Variants in ELFN1 observed in about 807,000 individuals in gnomAD.
The protein encoded by ELFN1 is extracellular leucine rich repeat and fibronectin type III domain containing 1.
In ELFN1, 6 loss-of-function variants were observed where a neutral mutation model predicts 7.6. The observed-to-expected ratio is 0.79, with a 90% CI of 0.43 to 1.56. ELFN1 has a LOEUF of 1.56. Ranked by LOEUF, ELFN1 falls within the 40% of genes most tolerant of loss-of-function variation. ELFN1 has a pLI of 0.01. For synonymous variants in ELFN1, 657 were observed against 588.1 expected (o/e 1.12, Z -1.70); for missense variants, 1,169 against 1,232.2 (o/e 0.95, Z 0.77).
chr7:1,685,561 A>G (rs1040185729), intron 1 of ELFN1, among the ~76,000 whole-genome samples: 1 of 150,648 alleles, frequency 6.6e-6, no homozygotes, highest in Non-Finnish European at 1.5e-5. Context: ...AAGCACACTA[A>G]TTTTTTTTTG....
Position 1,747,187 on chromosome 7 carries a change from C to T in ELFN1, c.*104C>T. On this transcript the variant is annotated 3_prime_UTR_variant, in exon 4 of 4. Transcript: ENST00000424383. ...ACGCACGCCACCACAGCAACTGTGA[C>T]AGCGGGGGGCCCTGCAGAGGCGAGG... is the stretch of plus-strand genomic sequence containing the variant. 1.6e-6 allele frequency: 2 copies of T among 1,288,382 alleles called. No homozygotes were observed. The highest frequency in any genetic ancestry group is 1.0e-6 in the Non-Finnish European group (1 of 973,586). 79.8% of individuals were successfully genotyped at this position (1,288,382 alleles called of 1,614,324 possible). A position where few individuals can be genotyped will look rare whatever the true frequency, so the allele number is the denominator to read the frequency against.
intron 2 of ELFN1, among the ~76,000 whole-genome samples, chr7:1,704,552 C>T (rs773107549): frequency 5.9e-5 from 9 of 152,178 alleles, no homozygotes; most frequent in Non-Finnish European, 7.3e-5. Context: ...CTCGACTCCT[C>T]CCCACCCCAG....
At chr7:1,741,187 C>T (rs1187099372) in intron 3 of ELFN1, among the ~76,000 whole-genome samples, 1 of 151,454 alleles carries the variant, frequency 6.6e-6, no homozygotes, top group Non-Finnish European at 1.5e-5. Context: ...AAGCTGGGGG[C>T]CATAGAGGGG....
upstream of ELFN1, among the ~76,000 whole-genome samples, chr7:1,668,743 A>G (rs1583300071): frequency 1.3e-5 from 2 of 152,320 alleles, no homozygotes; most frequent in African/African-American, 4.8e-5. Context: ...TGGTGGGTAA[A>G]CAAGGACCTG....
intron 3 of ELFN1, among the ~76,000 whole-genome samples, chr7:1,729,129 C>T (rs549424371): frequency 6.6e-6 from 1 of 152,326 alleles, no homozygotes; most frequent in East Asian, 1.9e-4. Flanking sequence ...CCCCTCTGCT[C>T]AACTCACTGC....
intron 3 of ELFN1, among the ~76,000 whole-genome samples, chr7:1,712,938 G>A (rs1190775792): frequency 3.3e-5 from 5 of 152,042 alleles, no homozygotes; most frequent in Admixed American, 6.6e-5. Flanking sequence ...TGTGTAGACC[G>A]CCTGGCATCA....
intron 1 of ELFN1, among the ~76,000 whole-genome samples, chr7:1,674,728 G>A (rs1348320529): frequency 1.3e-5 from 2 of 152,154 alleles, no homozygotes; most frequent in African/African-American, 2.4e-5. Flanking sequence ...GGAAGGGACA[G>A]GGCCTTGCCT....
chr7:1,693,753 G>A (rs1408235045), intron 2 of ELFN1: 2 of 470,914 alleles, frequency 4.2e-6, no homozygotes, highest in Admixed American at 2.3e-5. Flanking sequence ...CCCAGAGCAG[G>A]TGTCTGGGAG....
At chr7:1,723,648 C>T (rs949126166) in intron 3 of ELFN1, among the ~76,000 whole-genome samples, 4 of 152,250 alleles carry the variant, frequency 2.6e-5, no homozygotes, top group Admixed American at 2.6e-4. Context: ...TTCTCCAGGG[C>T]TGTGCCCCGG....
chr7:1,729,920 C>T (rs767552977), intron 3 of ELFN1, among the ~76,000 whole-genome samples: 1 of 152,256 alleles, frequency 6.6e-6, no homozygotes, highest in African/African-American at 2.4e-5. Flanking sequence ...TGCCGAGGCA[C>T]GTAGACCAGC....
chr7:1,700,973 A>T (rs1779415018), intron 2 of ELFN1, among the ~76,000 whole-genome samples: 1 of 152,168 alleles, frequency 6.6e-6, no homozygotes, highest in East Asian at 1.9e-4. Context: ...AATTCATAAG[A>T]GGTGTTTATA....
At position 1,746,547 on chromosome 7, in the gene ELFN1, G is replaced by C. The variant is rs1217691507; in HGVS notation, c.1951G>C (p.Ala651Pro). 1 of 1,375,358 alleles carries C rather than the reference G, an allele frequency of 7.3e-7. No homozygotes were observed. Among genetic ancestry groups the C allele is most frequent in the Non-Finnish European group, 9.3e-7 (1 of 1,072,274 alleles). 85.2% of individuals were successfully genotyped at this position (1,375,358 alleles called of 1,614,324 possible). Residue 651 changes from alanine (A) to proline (P), a missense_variant, in exon 4 of 4, where the codon GCC (alanine) becomes CCC (proline). Ala to Pro is a conservative substitution (Grantham distance 27). Transcript: ENST00000424383. ...CAGCGGCTCCGTGCGCAGCCCCCGC[G>C]CCTTCCGAGCCGAGGCCGTCGGGGT... ...SSSGSVRSPR[A>P]FRAEAVGVHK...
At chr7:1,674,560 C>T (rs1005114577) in intron 1 of ELFN1, among the ~76,000 whole-genome samples, 1 of 152,058 alleles carries the variant, frequency 6.6e-6, no homozygotes, top group African/African-American at 2.4e-5. Context: ...GCAGGAGAGG[C>T]AGCGGAAGGG....
intron 3 of ELFN1, among the ~76,000 whole-genome samples, chr7:1,714,105 T>A (rs1779754030): frequency 6.6e-6 from 1 of 152,188 alleles, no homozygotes; most frequent in Non-Finnish European, 1.5e-5. Context: ...AGTTAGTGGC[T>A]CAGTGACCAG....
chr7:1,721,332 T>C (rs1168464268), intron 3 of ELFN1, among the ~76,000 whole-genome samples: 1 of 152,172 alleles, frequency 6.6e-6, no homozygotes, highest in African/African-American at 2.4e-5. Context: ...AAAATCCCTT[T>C]CCCTCTCAGG....
intron 3 of ELFN1, among the ~76,000 whole-genome samples, chr7:1,722,791 C>G (rs1257678224): frequency 1.3e-5 from 2 of 152,188 alleles, no homozygotes; most frequent in African/African-American, 4.8e-5. Flanking sequence ...TTAATACAAT[C>G]AATGACCTAA....
chr7:1,696,897 G>A (rs1036150648), intron 2 of ELFN1, among the ~76,000 whole-genome samples: 5 of 152,146 alleles, frequency 3.3e-5, no homozygotes, highest in Non-Finnish European at 2.9e-5. Context: ...GGGATGACTC[G>A]AGCAAAGGAA....
chr7:1,712,356 G>A (rs535613589), intron 3 of ELFN1, among the ~76,000 whole-genome samples: 1 of 151,508 alleles, frequency 6.6e-6, no homozygotes, highest in Admixed American at 6.6e-5. Context: ...TCCTGACCTC[G>A]TGATCTGCCC....
Position 1,746,637 on chromosome 7 carries a change from C to T in ELFN1, c.2041C>T (p.Leu681Phe). Residue 681 changes from leucine (L) to phenylalanine (F), a missense_variant, in exon 4 of 4, where the codon CTC becomes TTC. Leu to Phe is a conservative substitution (Grantham distance 22). Transcript: ENST00000424383. ...EKGSPAADAI[L>F]TVTPAAAVLR... ...GGGCTCCCCCGCGGCCGACGCCATC[C>T]TCACTGTGACACCCGCGGCCGCCGT... 2.2e-6 allele frequency: 3 copies of T among 1,355,518 alleles called. No individual in the cohort carries two copies. Among genetic ancestry groups the T allele is most frequent in the East Asian group, 3.3e-5 (1 of 30,530 alleles). The allele number at this position is 1,355,518 out of a possible 1,614,324, so 84.0% of individuals were successfully genotyped here.
Sources: allele counts gnomAD v4.1 joint callset (sites outside exome capture counted in the v4.1 genomes callset), GRCh38; gene constraint gnomAD v4.1.1; transcripts MANE v1.5; gene names NCBI Gene and HGNC (gene_info 2026-07-23, HGNC 2026-07-21).